Variants in CDC42BPA observed in about 807,000 individuals in gnomAD.
CDC42BPA encodes the protein serine/threonine-protein kinase MRCK alpha.
CDC42BPA carries 80 observed loss-of-function variants against 223.5 expected under a neutral mutation model. The ratio of observed to expected loss-of-function variants is 0.36; its 90% confidence interval spans 0.30 to 0.43. The LOEUF (loss-of-function observed/expected upper bound fraction) is 0.43, where lower values mean the gene tolerates loss of function less well. CDC42BPA is among the 20% of genes least tolerant of loss of function. The pLI is 1.00. For synonymous variants in CDC42BPA, 694 were observed against 718.6 expected (o/e 0.97, Z 0.55); for missense variants, 1,743 against 2,099.9 (o/e 0.83, Z 3.32).
rs540912733 is a variant in CDC42BPA at position 227,027,234 on chromosome 1, GA to G, written c.4433-1083del. ...GTTCATCCCAGGATGGAGGGTGGGGGAAAAAAAAGTCTGGATGGGTAGAACT... is the reference window on the plus strand; with the variant it reads ...GTTCATCCCAGGATGGAGGGTGGGGGAAAAAAAGTCTGGATGGGTAGAACT... On this transcript the variant is annotated intron_variant, in intron 30 of 36. Coordinates refer to ENST00000366766, the MANE Select transcript of CDC42BPA (RefSeq NM_001394014.1). Among the ~76,000 whole-genome samples, 67 of 151,978 alleles carry G rather than the reference GA, an allele frequency of 4.4e-4. No individual in the cohort carries two copies. The South Asian group carries it at 5.6e-3, about 13-fold the overall frequency.
At chr1:227,038,138 A>T (rs758497900) in intron 24 of CDC42BPA, among the ~76,000 whole-genome samples, 1 of 152,128 alleles carries the variant, frequency 6.6e-6, no homozygotes, top group Admixed American at 6.5e-5. Context: ...TCATGGGGGC[A>T]GGTCTCTCTG....
At chr1:226,995,103 G>T in intron 35 of CDC42BPA, 123 bp from the exon 36 acceptor site, 1 of 797,842 alleles carries the variant, frequency 1.3e-6, no homozygotes, top group Non-Finnish European at 2.0e-6. Flanking sequence ...CCCCTGAAGC[G>T]CAGTAAGTCC....
intron 2 of CDC42BPA, among the ~76,000 whole-genome samples, chr1:227,248,327 A>T (rs1681354180): frequency 1.3e-5 from 2 of 152,128 alleles, no homozygotes; most frequent in South Asian, 4.1e-4. Flanking sequence ...TTGTTTGAAG[A>T]TGATATGGTC....
intron 1 of CDC42BPA, among the ~76,000 whole-genome samples, chr1:227,267,068 T>C (rs1398862): frequency 0.31 from 46,794 of 151,960 alleles, 7,380 homozygotes; most frequent in East Asian, 0.37. Flanking sequence ...AAGGATATTA[T>C]AAGATTAGGA....
chr1:227,185,883 A>C (rs1668698562), intron 5 of CDC42BPA, among the ~76,000 whole-genome samples: 1 of 152,214 alleles, frequency 6.6e-6, no homozygotes, highest in East Asian at 1.9e-4. Context: ...TTCCACTTCC[A>C]GTATGTAAGG....
intron 4 of CDC42BPA, among the ~76,000 whole-genome samples, chr1:227,196,614 C>G (rs562999465): frequency 6.6e-6 from 1 of 152,220 alleles, no homozygotes; most frequent in Non-Finnish European, 1.5e-5. Context: ...GCTGGGATTA[C>G]AGGCATGAGC....
chr1:227,267,613 T>C lies in CDC42BPA; in HGVS notation c.179-13458A>G, dbSNP rs1276748902. Among the ~76,000 whole-genome samples the C allele has an allele frequency of 4.6e-5, 7 of 152,210 alleles. 1 individual carries two copies. The highest frequency in any genetic ancestry group is 6.5e-5 in the Admixed American group (1 of 15,272). ...ATACTACCTGAGACTGGGTAATTTA[T>C]AAACAAAAGAGGTTTAATTGACTTA... is the stretch of plus-strand genomic sequence containing the variant. On this transcript the variant is annotated intron_variant, in intron 1 of 36. Coordinates refer to ENST00000366766, the MANE Select transcript of CDC42BPA (RefSeq NM_001394014.1).
chr1:227,081,979 G>C (rs1441140314), intron 16 of CDC42BPA, among the ~76,000 whole-genome samples: 1 of 152,042 alleles, frequency 6.6e-6, no homozygotes, highest in African/African-American at 2.4e-5. Context: ...CACAAAACTT[G>C]TTTATTAAAC....
chr1:227,259,715 T>C (rs1683721942), intron 1 of CDC42BPA, among the ~76,000 whole-genome samples: 1 of 150,922 alleles, frequency 6.6e-6, no homozygotes, highest in Non-Finnish European at 1.5e-5. Flanking sequence ...TAAGTCACAG[T>C]ACTACTATGA....
At chr1:227,087,370 T>G (rs1270012656) in intron 16 of CDC42BPA, among the ~76,000 whole-genome samples, 1 of 148,818 alleles carries the variant, frequency 6.7e-6, no homozygotes, top group African/African-American at 2.5e-5. Flanking sequence ...ACCATAAATG[T>G]AAGAACTTAT....
At position 227,028,759 on chromosome 1, in the gene CDC42BPA, C is replaced by A; in HGVS notation, c.4330G>T (p.Glu1444Ter). The change falls in exon 30 of 37, where the codon GAA (glutamate) becomes TAA (stop). Residue 1444 changes from glutamate (E) to a stop codon, truncating the protein, a stop_gained. Transcript: ENST00000366766. LOFTEE classifies it high-confidence loss of function. ...ATGCTGTTAAAACACAGCAGATATT[C>A]TTTACTGGAGATCTCAACTGCGCAG... ...AICAVEISSK[E>*]YLLCFNSIGI... The A allele has an allele frequency of 6.2e-7, 1 of 1,614,158 alleles. No individual in the cohort carries two copies. The highest frequency in any genetic ancestry group is 8.5e-7 in the Non-Finnish European group (1 of 1,179,986).
In CDC42BPA at chr1:227,031,398, C is replaced by G. The variant is rs781371003; in HGVS notation, c.3675G>C (p.Leu1225Phe). ...AGCGGTCTCTGAATTTGTTTTTCTT[C>G]AAAATCTTGTGCAATTCACTCAGCA... Reference protein sequence around the residue: ...VGVLSELHKILKKNKFRDRSV... With the variant: ...VGVLSELHKIFKKNKFRDRSV... The change falls in exon 28 of 37, where the codon TTG (leucine) becomes TTC (phenylalanine). Residue 1225 changes from leucine to phenylalanine, a missense_variant. Leu to Phe is a conservative substitution (Grantham distance 22, BLOSUM62 0). Transcript: ENST00000366766. 5 of 1,613,906 alleles carry G rather than the reference C, an allele frequency of 3.1e-6. No individual in the cohort carries two copies. In the African/African-American group the frequency reaches 5.3e-5, roughly 17 times the overall value.
At chr1:227,041,471 G>A (rs1671361649) in intron 23 of CDC42BPA, among the ~76,000 whole-genome samples, 1 of 151,988 alleles carries the variant, frequency 6.6e-6, no homozygotes, top group African/African-American at 2.4e-5. Context: ...ATTTTAAAAG[G>A]TTATCAAGTA....
In CDC42BPA at chr1:227,059,924, C is replaced by G. The variant is rs116526863; in HGVS notation, c.2905-7939G>C. Among the ~76,000 whole-genome samples, 2 of 152,036 alleles carry G rather than the reference C, an allele frequency of 1.3e-5. 1 individual carries two copies. Among genetic ancestry groups the G allele is most frequent in the Non-Finnish European group, 2.9e-5 (2 of 67,982 alleles). On this transcript the variant is annotated intron_variant, in intron 21 of 36. Coordinates refer to ENST00000366766, the MANE Select transcript of CDC42BPA (RefSeq NM_001394014.1). ...AAAGTTATTTGAACAATACTCCATCCTGACTCAACTTCAGCCATAGTCAAA... is the reference window on the plus strand; with the variant it reads ...AAAGTTATTTGAACAATACTCCATCGTGACTCAACTTCAGCCATAGTCAAA...
At chr1:227,163,859 CT>C (rs1258562022) in intron 5 of CDC42BPA, among the ~76,000 whole-genome samples, 1 of 151,814 alleles carries the variant, frequency 6.6e-6, no homozygotes, top group Non-Finnish European at 1.5e-5. Flanking sequence ...TAAAGTTATG[CT>C]TTTCCAGTTT....
intron 5 of CDC42BPA, among the ~76,000 whole-genome samples, chr1:227,161,363 T>G (rs1289364046): frequency 2.0e-5 from 3 of 152,190 alleles, no homozygotes; most frequent in Non-Finnish European, 2.9e-5. Flanking sequence ...AAGGTTGTAA[T>G]TGTGAATAAC....
intron 16 of CDC42BPA, among the ~76,000 whole-genome samples, chr1:227,089,714 T>G (rs947966211): frequency 6.6e-6 from 1 of 151,250 alleles, no homozygotes; most frequent in Non-Finnish European, 1.5e-5. Context: ...GGCCTAAGTA[T>G]GTCCATTTCT....
At chr1:227,294,626 C>T (rs1265481717) in intron 1 of CDC42BPA, among the ~76,000 whole-genome samples, 3 of 72,930 alleles carry the variant, frequency 4.1e-5, no homozygotes, top group African/African-American at 1.1e-4. Context: ...TTTGGGAGGC[C>T]GAGGCGGGCG....
rs902660844 is a variant in CDC42BPA at position 227,122,080 on chromosome 1, C to T, written c.1514-2143G>A. On this transcript the variant is annotated intron_variant, in intron 11 of 36. Transcript: ENST00000366766. The stretch of plus-strand genomic sequence containing the variant: ...CCTCCCAAAGTGCTGGGATTACAGG[C>T]ATGAGCCACTGCCCCTTGCCCGGAT... 3.9e-5 allele frequency among the ~76,000 whole-genome samples: 6 copies of T among 152,300 alleles called. 1 individual carries two copies. In the South Asian group the frequency reaches 1.2e-3, roughly 32 times the overall value.
Sources: allele counts gnomAD v4.1 joint callset (sites outside exome capture counted in the v4.1 genomes callset), GRCh38; gene constraint gnomAD v4.1.1; transcripts MANE v1.5; gene names NCBI Gene and HGNC (gene_info 2026-07-23, HGNC 2026-07-21).